Variants in CCDC92B observed in about 807,000 individuals in gnomAD.
CCDC92B encodes the protein coiled-coil domain containing 92B, also known as coiled-coil domain-containing 92B.
CCDC92B carries 2 observed loss-of-function variants against 5.6 expected under a neutral mutation model. That is an observed-to-expected ratio of 0.36 (90% CI 0.15 to 1.12). CCDC92B has a LOEUF of 1.12. Among genes scored for constraint, CCDC92B ranks in the 50% most tolerant of loss-of-function variants. The probability of loss-of-function intolerance (pLI) is 0.40; values close to 1 mark genes in which losing one functional copy is unlikely to be tolerated. For missense variants in CCDC92B, 271 were observed against 262.2 expected (o/e 1.03, Z -0.23); for synonymous variants, 115 against 122.3 (o/e 0.94, Z 0.39).
At chr17:2,727,815 C>G (rs1443275833) in intron 3 of CCDC92B, among the ~76,000 whole-genome samples, 2 of 136,352 alleles carry the variant, frequency 1.5e-5, no homozygotes, top group Non-Finnish European at 1.6e-5. Flanking sequence ...CAGAGTGAGA[C>G]TCCGTCTCAA....
chr17:2,742,780 A>T (rs749496291), intron 1 of CCDC92B, among the ~76,000 whole-genome samples: 2 of 152,140 alleles, frequency 1.3e-5, no homozygotes, highest in Non-Finnish European at 2.9e-5. Flanking sequence ...CAAACTTTCA[A>T]GTCCCAATAC....
chr17:2,747,829 C>T (rs950799327), intron 1 of CCDC92B, among the ~76,000 whole-genome samples: 7 of 152,166 alleles, frequency 4.6e-5, no homozygotes, highest in African/African-American at 1.7e-4. Flanking sequence ...ACTCAAGAAG[C>T]CTTTCTTGGA....
At chr17:2,748,942 C>A (rs972107655) in intron 1 of CCDC92B, among the ~76,000 whole-genome samples, 2 of 152,156 alleles carry the variant, frequency 1.3e-5, no homozygotes, top group African/African-American at 4.8e-5. Flanking sequence ...GCGCTCAGGA[C>A]CCTCCACCTC....
chr17:2,746,334 T>A (rs1212418489), intron 1 of CCDC92B, among the ~76,000 whole-genome samples: 1 of 152,206 alleles, frequency 6.6e-6, no homozygotes, highest in African/African-American at 2.4e-5. Flanking sequence ...AAAAAATTGT[T>A]ACCAAAAATA....
chr17:2,741,032 T>C (rs2070921199), intron 1 of CCDC92B, among the ~76,000 whole-genome samples: 1 of 146,778 alleles, frequency 6.8e-6, no homozygotes, highest in Non-Finnish European at 1.5e-5. Flanking sequence ...AGATAATAAA[T>C]GTATGTTGTT....
At chr17:2,742,249 T>G (rs1367631649) in intron 1 of CCDC92B, among the ~76,000 whole-genome samples, 1 of 152,116 alleles carries the variant, frequency 6.6e-6, no homozygotes, top group African/African-American at 2.4e-5. Flanking sequence ...TTTTTCACTT[T>G]TGTAGAGATG....
chr17:2,727,857 T>A (rs570181437), intron 3 of CCDC92B, among the ~76,000 whole-genome samples: 1 of 147,752 alleles, frequency 6.8e-6, no homozygotes, highest in African/African-American at 2.5e-5. Context: ...ACAAAGAAAG[T>A]TCTTAAGCCC....
At position 2,724,897 on chromosome 17, in the gene CCDC92B, G is replaced by A. The variant is rs1167466341; in HGVS notation, c.282C>T (p.Arg94=). 1.0e-6 allele frequency: 1 copy of A among 985,060 alleles called. No individual in the cohort carries two copies. The highest frequency in any genetic ancestry group is 1.7e-5 in the African/African-American group (1 of 57,208). 61.0% of individuals were successfully genotyped at this position (985,060 alleles called of 1,614,324 possible). The change falls in exon 4 of 4, where the codon CGC becomes CGT. Residue 94 remains arginine, a synonymous_variant. Coordinates refer to ENST00000614400, the MANE Select transcript of CCDC92B (RefSeq NM_001355573.2). The surrounding 1 kb of genome is among the most constrained non-coding windows in gnomAD (Gnocchi z 5.0). ...NAELRREVAQ[R]EALVSALRCS... is the part of the protein sequence containing the mutation. ...AGCGCAGCGCGGACACCAGCGCCTC[G>A]CGCTGCGCCACCTCCCGCCGCAGCT...
At chr17:2,736,236 T>G (rs1053192579) in intron 1 of CCDC92B, among the ~76,000 whole-genome samples, 1 of 151,742 alleles carries the variant, frequency 6.6e-6, no homozygotes, top group Non-Finnish European at 1.5e-5. Flanking sequence ...AGACCAGCCT[T>G]TCCAACATGG....
intron 1 of CCDC92B, among the ~76,000 whole-genome samples, chr17:2,739,874 C>T (rs1329693972): frequency 6.6e-6 from 1 of 152,040 alleles, no homozygotes; most frequent in Non-Finnish European, 1.5e-5. Context: ...TAGTGATCTA[C>T]TATTGCCAAG....
At chr17:2,740,712 A>C (rs1339007512) in intron 1 of CCDC92B, among the ~76,000 whole-genome samples, 1 of 151,836 alleles carries the variant, frequency 6.6e-6, no homozygotes, top group Non-Finnish European at 1.5e-5. Context: ...CGAGCAGAGG[A>C]CCTAGTTTAA....
intron 3 of CCDC92B, among the ~76,000 whole-genome samples, chr17:2,727,618 G>A (rs1375830241): frequency 6.6e-6 from 1 of 152,196 alleles, no homozygotes; most frequent in Admixed American, 6.5e-5. Flanking sequence ...AAGGTCAGGA[G>A]TTCGAGACCA....
chr17:2,731,967 C>T (rs777175975), intron 2 of CCDC92B, among the ~76,000 whole-genome samples: 7 of 152,220 alleles, frequency 4.6e-5, no homozygotes, highest in African/African-American at 7.2e-5. Context: ...AGGTCAGATA[C>T]GCTGTGTGAC....
At chr17:2,744,208 T>G (rs904799447) in intron 1 of CCDC92B, among the ~76,000 whole-genome samples, 1 of 151,868 alleles carries the variant, frequency 6.6e-6, no homozygotes, top group Non-Finnish European at 1.5e-5. Flanking sequence ...TTTTTTATTT[T>G]GTAGAGACAA....
chr17:2,748,895 G>A (rs2071020530), intron 1 of CCDC92B, among the ~76,000 whole-genome samples: 1 of 151,634 alleles, frequency 6.6e-6, no homozygotes, highest in South Asian at 2.1e-4. Context: ...GCCCCTCCCC[G>A]CCGAACCCCT....
intron 1 of CCDC92B, among the ~76,000 whole-genome samples, chr17:2,742,226 C>T (rs565109850): frequency 6.6e-6 from 1 of 152,168 alleles, no homozygotes; most frequent in South Asian, 2.1e-4. Flanking sequence ...CTCGTGCCCC[C>T]GTGCCCGGCT....
At chr17:2,735,961 C>T (rs1204433848) in intron 1 of CCDC92B, among the ~76,000 whole-genome samples, 1 of 152,168 alleles carries the variant, frequency 6.6e-6, no homozygotes, top group Non-Finnish European at 1.5e-5. Context: ...GCAAGTATCT[C>T]AGCCCAAGGG....
intron 2 of CCDC92B, among the ~76,000 whole-genome samples, chr17:2,733,644 G>A (rs932834060): frequency 1.3e-5 from 2 of 151,700 alleles, no homozygotes; most frequent in African/African-American, 4.8e-5. Flanking sequence ...CCCCAGGCTG[G>A]CCTCTGCTCC....
intron 1 of CCDC92B, among the ~76,000 whole-genome samples, chr17:2,749,202 A>T (rs934513511): frequency 3.3e-5 from 5 of 152,000 alleles, no homozygotes; most frequent in African/African-American, 4.8e-5. Flanking sequence ...GCCGCTCTGG[A>T]CGCCCGGCAG....
Sources: allele counts gnomAD v4.1 joint callset (sites outside exome capture counted in the v4.1 genomes callset), GRCh38; gene constraint gnomAD v4.1.1; non-coding constraint Gnocchi (gnomAD v3.1); transcripts MANE v1.5; gene names NCBI Gene and HGNC (gene_info 2026-07-23, HGNC 2026-07-21).